CTSE: variants seen among roughly 807,000 people sequenced by gnomAD.
CTSE encodes erythrocyte membrane aspartic proteinase.
CTSE carries 43 observed loss-of-function variants against 42.8 expected under a neutral mutation model. The ratio of observed to expected loss-of-function variants is 1.01; its 90% CI spans 0.79 to 1.30. The LOEUF (loss-of-function observed/expected upper bound fraction) is 1.30, where lower values mean the gene tolerates loss of function less well. Among genes scored for constraint, CTSE ranks in the 50% most tolerant of loss-of-function variants. CTSE has a pLI of 0.00. For synonymous variants in CTSE, 205 were observed against 191.5 expected (o/e 1.07, Z -0.58); for missense variants, 532 against 493.5 (o/e 1.08, Z -0.74).
chr1:206,022,088 A>G, intron 3 of CTSE, 62 bp downstream of exon 3: 1 of 1,152,368 alleles, frequency 8.7e-7, no homozygotes, highest in South Asian at 1.6e-5. Context: ...CCAGAGTACC[A>G]GGCTTGGCCT....
At chr1:206,011,520 A>C (rs1553276932) in intron 8 of CTSE, among the ~76,000 whole-genome samples, 1 of 151,914 alleles carries the variant, frequency 6.6e-6, no homozygotes, top group African/African-American at 2.4e-5. Flanking sequence ...AGCTTAGGGG[A>C]CTTACCATGA....
rs1000606361 is a variant in CTSE at position 206,021,186 on chromosome 1, C to T, written c.344-19G>A. 6.3e-7 allele frequency: 1 copy of T among 1,577,374 alleles called. No individual in the cohort carries two copies. ...TGCGTCTCTGGAAAGAAGTGCACTG[C>T]TCTTGCTTATGCCATCGGCTCACTG... On this transcript the variant is annotated intron_variant, in intron 3 of 8. Coordinates refer to ENST00000358184, the MANE Select transcript of CTSE (RefSeq NM_001910.4).
Position 206,021,056 on chromosome 1 carries a change from T to TC in CTSE, c.454_455insG (p.Gln152ArgfsTer31). ...TGAAGGACTTGCACTCACAGAGACT[T>TC]GGTCGGCTCCAATGATCCCGGACAA... On this transcript the variant is annotated frameshift_variant, in exon 4 of 9. Transcript: ENST00000358184. LOFTEE classifies it high-confidence loss of function. 1.9e-6 allele frequency: 3 copies of TC among 1,606,910 alleles called. No individual in the cohort carries two copies. Among genetic ancestry groups the TC allele is most frequent in the Non-Finnish European group, 2.6e-6 (3 of 1,173,414 alleles).
chr1:206,019,958 A>C (rs1359821823), intron 4 of CTSE, among the ~76,000 whole-genome samples: 2 of 143,744 alleles, frequency 1.4e-5, no homozygotes, highest in Non-Finnish European at 3.0e-5. Context: ...ACATTATATC[A>C]ATTATATTCT....
Position 206,012,500 on chromosome 1 carries a change from G to A in CTSE, c.927+8C>T, listed in dbSNP as rs200443909. 2,508 of 1,613,938 alleles carry A rather than the reference G, an allele frequency of 1.6e-3. 52 individuals carry two copies. The South Asian group carries it at 0.025, about 16-fold the overall frequency. ...CCCCACCACTCCCTTGCGCAGGCAG[G>A]CACTCACTTCTCCATCCACGGGGGC... On this transcript the variant is annotated splice_region_variant and intron_variant, in intron 7 of 8. Coordinates refer to ENST00000358184, the MANE Select transcript of CTSE (RefSeq NM_001910.4).
At chr1:206,015,826 G>T in intron 5 of CTSE, 105 bp downstream of exon 5, 1 of 955,060 alleles carries the variant, frequency 1.0e-6, no homozygotes. Flanking sequence ...AGCTGGTAAT[G>T]GACCAAGCTA....
intron 4 of CTSE, among the ~76,000 whole-genome samples, chr1:206,016,538 A>G (rs1661270009): frequency 6.6e-6 from 1 of 151,712 alleles, no homozygotes; most frequent in Non-Finnish European, 1.5e-5. Context: ...TCATGAAAAC[A>G]TTTTCTCATG....
At position 206,022,259 on chromosome 1, in the gene CTSE, G is replaced by A. The variant is rs782666072; in HGVS notation, c.234C>T (p.Tyr78=). 5.6e-6 allele frequency: 9 copies of A among 1,607,056 alleles called. No homozygotes were observed. The African/African-American group carries it at 1.1e-4, about 19-fold the overall frequency. ...GGGAGCCAATGGAGATAGTGCCGAA[G>A]TATTCCATCTGCAAGGAAGAGTGAG... ...EPLINYLDME[Y]FGTISIGSPP... Residue 78 remains tyrosine, a synonymous_variant, in exon 3 of 9, where the codon TAC becomes TAT. Coordinates refer to ENST00000358184, the MANE Select transcript of CTSE (RefSeq NM_001910.4).
chr1:206,015,941 A>C lies in CTSE; in HGVS notation c.652T>G (p.Tyr218Asp), dbSNP rs1188676050. 6.2e-7 allele frequency: 1 copy of C among 1,613,650 alleles called. No individual in the cohort carries two copies. The highest frequency in any genetic ancestry group is 2.2e-5 in the East Asian group (1 of 44,898). ...CTTGATGGGCCTTACCTGCTCATGT[A>C]GACAGAAAACATCGGCAAGTCCACC... ...NLVDLPMFSV[Y>D]MSSNPEGGAG... is the part of the protein sequence containing the mutation. The change falls in exon 5 of 9, where the codon TAC becomes GAC. Residue 218 changes from tyrosine (Y) to aspartate (D), a missense_variant. By Grantham distance (160) the Tyr-to-Asp change is radical (BLOSUM62 -3). Transcript: ENST00000358184.
At position 206,012,240 on chromosome 1, in the gene CTSE, T is replaced by G. The variant is rs1011413514; in HGVS notation, c.1026+68A>C. 4 of 1,325,882 alleles carry G rather than the reference T, an allele frequency of 3.0e-6. No homozygotes were observed. In the African/African-American group the frequency reaches 4.3e-5, roughly 14 times the overall value. The allele number at this position is 1,325,882 out of a possible 1,614,324, so 82.1% of individuals were successfully genotyped here. A position where few individuals can be genotyped will look rare whatever the true frequency, so the allele number is the denominator to read the frequency against. ...TAAAGGCGGGCAAAGTGCAGGCGAT[T>G]GAAAAGGGGAAGTGGCAGGCATGTG... On this transcript the variant is annotated intron_variant, in intron 8 of 8. Coordinates refer to ENST00000358184, the MANE Select transcript of CTSE (RefSeq NM_001910.4).
rs782429297 is a variant in CTSE, at chr1:206,023,807, C to G, written c.-16G>C. Reference sequence around the variant, plus strand: ...GCGTTTTCATTGTGAGTCCGACCAGCAGCTTCTCCCTTGCCCCCTCCTTTC... The same window carrying G: ...GCGTTTTCATTGTGAGTCCGACCAGGAGCTTCTCCCTTGCCCCCTCCTTTC... On this transcript the variant is annotated 5_prime_UTR_variant, in exon 1 of 9. Coordinates refer to ENST00000358184, the MANE Select transcript of CTSE (RefSeq NM_001910.4). The G allele has an allele frequency of 8.7e-6, 14 of 1,612,842 alleles. No homozygotes were observed. Among genetic ancestry groups the G allele is most frequent in the Non-Finnish European group, 8.5e-7 (1 of 1,179,178 alleles).
chr1:206,020,133 T>C (rs1324854577), intron 4 of CTSE, among the ~76,000 whole-genome samples: 1 of 147,428 alleles, frequency 6.8e-6, no homozygotes, highest in African/African-American at 2.5e-5. Context: ...ATATATATTA[T>C]ATATACAAAT....
chr1:206,016,245 T>C lies in CTSE; in HGVS notation c.463-115A>G, dbSNP rs1204589202. On this transcript the variant is annotated intron_variant, in intron 4 of 8. Coordinates refer to ENST00000358184, the MANE Select transcript of CTSE (RefSeq NM_001910.4). ...AGCTAATGCCTCTCCTTCCCAACTT[T>C]CCTTGACTAAATGAGCACAAAGATG... 13 of 939,210 alleles carry C rather than the reference T, an allele frequency of 1.4e-5. No individual in the cohort carries two copies. In the Admixed American group the frequency reaches 2.0e-4, roughly 14 times the overall value. 58.2% of individuals were successfully genotyped at this position (939,210 alleles called of 1,614,324 possible).
chr1:206,009,406 GT>G lies in CTSE; in HGVS notation c.*776del, dbSNP rs1661019025. ...AGAAGTACCCAGCACCACCTAGGAA[GT>G]ATTTTTGCCACAAAATCAGACCTCC... On this transcript the variant is annotated 3_prime_UTR_variant, in exon 9 of 9. Coordinates refer to ENST00000358184, the MANE Select transcript of CTSE (RefSeq NM_001910.4). 1 of 152,064 alleles carries G rather than the reference GT, an allele frequency of 6.6e-6. No homozygotes were observed. Among genetic ancestry groups the G allele is most frequent in the Non-Finnish European group, 1.5e-5 (1 of 68,016 alleles). 9.4% of individuals were successfully genotyped at this position (152,064 alleles called of 1,614,324 possible).
rs1264209046 is a variant in CTSE at position 206,022,240 on chromosome 1, C to A, written c.253G>T (p.Gly85Cys). 1 of 1,611,970 alleles carries A rather than the reference C, an allele frequency of 6.2e-7. No individual in the cohort carries two copies. Among genetic ancestry groups the A allele is most frequent in the East Asian group, 2.2e-5 (1 of 44,854 alleles). Residue 85 changes from glycine to cysteine, a missense_variant, in exon 3 of 9, where the codon GGC becomes TGC. Transcript: ENST00000358184. ...DMEYFGTISI[G>C]SPPQNFTVIF... ...ACAGTGAAGTTCTGTGGTGGGGAGC[C>A]AATGGAGATAGTGCCGAAGTATTCC...
At chr1:206,013,417 T>C (rs1159741733) in intron 6 of CTSE, among the ~76,000 whole-genome samples, 4 of 152,026 alleles carry the variant, frequency 2.6e-5, no homozygotes, top group African/African-American at 7.2e-5. Context: ...TCATCTTCTG[T>C]ACAAGTTTTT....
At position 206,023,717 on chromosome 1, in the gene CTSE, T is replaced by G. The variant is rs782633304; in HGVS notation, c.68+7A>C. ...CAGCTGAACACAGTGCGGGGACGTCTTCTCACCTGTGAAGGGATCCTTGGG... is the reference window on the plus strand; with the variant it reads ...CAGCTGAACACAGTGCGGGGACGTCGTCTCACCTGTGAAGGGATCCTTGGG... On this transcript the variant is annotated splice_region_variant and intron_variant, in intron 1 of 8. Transcript: ENST00000358184. 4 of 1,613,168 alleles carry G rather than the reference T, an allele frequency of 2.5e-6. No individual in the cohort carries two copies. The highest frequency in any genetic ancestry group is 3.4e-6 in the Non-Finnish European group (4 of 1,179,276).
chr1:206,012,547 C>T lies in CTSE; in HGVS notation c.888G>A (p.Gln296=). ...GGGCTGCCCCAATGGCGTTTTGCAG[C>T]TGCTTAATCTTGTCGGAAGGGCCAG... ...LITGPSDKIK[Q]LQNAIGAAPV... is the part of the protein sequence containing the mutation. The change falls in exon 7 of 9, where the codon CAG becomes CAA. Residue 296 remains glutamine (Q), a synonymous_variant. Transcript: ENST00000358184. 1 of 1,614,006 alleles carries T rather than the reference C, an allele frequency of 6.2e-7. No homozygotes were observed. The highest frequency in any genetic ancestry group is 8.5e-7 in the Non-Finnish European group (1 of 1,179,944).
intron 8 of CTSE, among the ~76,000 whole-genome samples, chr1:206,011,077 C>A (rs1181676581): frequency 1.3e-5 from 2 of 151,958 alleles, no homozygotes; most frequent in African/African-American, 2.4e-5. Context: ...ATCAAGGTGG[C>A]TCTGATTGAA....
Sources: gnomAD v4.1 joint callset for allele counts (sites outside exome capture counted in the v4.1 genomes callset) on GRCh38, gnomAD v4.1.1 for gene constraint, MANE v1.5 for transcripts, NCBI Gene and HGNC (gene_info 2026-07-23, HGNC 2026-07-21) for gene names.